The following LHPP variants were observed in gnomAD, a reference collection of about 807,000 sequenced individuals.
LHPP encodes the protein hLHPP.
In LHPP, 24 loss-of-function variants were observed where a neutral mutation model predicts 30.3. The observed-to-expected ratio is 0.79, with a 90% CI of 0.57 to 1.11. LHPP has a LOEUF of 1.11. LHPP is among the 50% of genes most tolerant of loss of function. The pLI is 0.00. For missense variants in LHPP, 356 were observed against 367.2 expected, an observed-to-expected ratio of 0.97 and a Z score of 0.25; for synonymous variants, 150 against 157.1, an observed-to-expected ratio of 0.95 and a Z score of 0.34.
At chr10:124,467,713 G>T (rs995102310) in intron 1 of LHPP, among the ~76,000 whole-genome samples, 7 of 148,938 alleles carry the variant, frequency 4.7e-5, no homozygotes, top group East Asian at 2.0e-4. Context: ...TGTGTTTTTT[G>T]TTGTTGTTGT....
chr10:124,606,323 T>C (rs537433444), intron 6 of LHPP, among the ~76,000 whole-genome samples: 1 of 152,288 alleles, frequency 6.6e-6, no homozygotes, highest in South Asian at 2.1e-4. Flanking sequence ...TGCTCAGCCT[T>C]AACGTCCCTG....
chr10:124,463,057 C>T (rs1304969511), intron 1 of LHPP, among the ~76,000 whole-genome samples: 2 of 152,102 alleles, frequency 1.3e-5, no homozygotes, highest in African/African-American at 4.8e-5. Flanking sequence ...TTAGTAGAGA[C>T]GGGGTTTCAC....
At chr10:124,575,941 G>A (rs925865632) in intron 6 of LHPP, among the ~76,000 whole-genome samples, 2 of 152,318 alleles carry the variant, frequency 1.3e-5, no homozygotes, top group African/African-American at 4.8e-5. Context: ...GTGCCAGGTC[G>A]GGGGTCTGGG....
In LHPP at chr10:124,563,308, T is replaced by TTC. The variant is rs1554892863; in HGVS notation, c.716+46038_716+46039insCT. On this transcript the variant is annotated intron_variant, in intron 6 of 6. Coordinates refer to ENST00000368842, the MANE Select transcript of LHPP (RefSeq NM_022126.4). ...TAAAAAGAAACAATCTCTCTCTCTC[T>TTC]TTTTCTTTTTTTTTTTTTTTGCATA... Among the ~76,000 whole-genome samples, 96 of 145,730 alleles carry TTC rather than the reference T, an allele frequency of 6.6e-4. 1 individual carries two copies. Among genetic ancestry groups the TTC allele is most frequent in the Admixed American group, 2.1e-3 (31 of 14,638 alleles).
intron 6 of LHPP, among the ~76,000 whole-genome samples, chr10:124,611,591 G>A (rs1434492244): frequency 1.3e-5 from 2 of 151,860 alleles, no homozygotes; most frequent in Non-Finnish European, 2.9e-5. Flanking sequence ...TCACAGGGGA[G>A]CCCACACTGC....
chr10:124,462,266 T>C (rs1952426425), intron 1 of LHPP, among the ~76,000 whole-genome samples: 1 of 152,084 alleles, frequency 6.6e-6, no homozygotes, highest in African/African-American at 2.4e-5. Flanking sequence ...CCAGTCTGAA[T>C]TGAGATGTGC....
At position 124,474,147 on chromosome 10, in the gene LHPP, T is replaced by G. The variant is rs955929582; in HGVS notation, c.126-9992T>G. 6.4e-4 allele frequency among the ~76,000 whole-genome samples: 93 copies of G among 144,298 alleles called. 1 individual carries two copies. The highest frequency in any genetic ancestry group is 2.2e-3 in the African/African-American group (85 of 39,236). The allele number at this position is 144,298 out of a possible 152,430, so 94.7% of individuals were successfully genotyped here. A position where few individuals can be genotyped will look rare whatever the true frequency, so the allele number is the denominator to read the frequency against. On this transcript the variant is annotated intron_variant, in intron 1 of 6. Coordinates refer to ENST00000368842, the MANE Select transcript of LHPP (RefSeq NM_022126.4). Reference sequence around the variant, plus strand: ...TTGCTTTGCCCTTTTTTTTTTTTTTTTTTTTTTTTTGAGACAGGGTCTCAC... The same window carrying G: ...TTGCTTTGCCCTTTTTTTTTTTTTTGTTTTTTTTTTGAGACAGGGTCTCAC...
At chr10:124,552,634 C>T (rs1948191280) in intron 6 of LHPP, among the ~76,000 whole-genome samples, 1 of 152,152 alleles carries the variant, frequency 6.6e-6, no homozygotes, top group Non-Finnish European at 1.5e-5. Flanking sequence ...CCTGCCAGCC[C>T]CCGCCCCTGT....
In LHPP at chr10:124,500,728, TAA is replaced by T. The variant is rs57518134; in HGVS notation, c.624+2610_624+2611del. Among the ~76,000 whole-genome samples the T allele has an allele frequency of 4.1e-5, 6 of 147,692 alleles. 1 individual carries two copies. In the East Asian group the frequency reaches 5.9e-4, roughly 15 times the overall value. On this transcript the variant is annotated intron_variant, in intron 5 of 6. Coordinates refer to ENST00000368842, the MANE Select transcript of LHPP (RefSeq NM_022126.4). ...CTTCACACTAAGATGACTGTATAGT[TAA>T]AAAAAAAAATAGAAAATAACAAGTG... is the stretch of plus-strand genomic sequence containing the variant.
intron 1 of LHPP, among the ~76,000 whole-genome samples, chr10:124,481,553 G>A (rs559342182): frequency 2.0e-5 from 3 of 151,490 alleles, no homozygotes; most frequent in African/African-American, 7.3e-5. Context: ...ATTTTTTTTG[G>A]TATTTTTAGT....
intron 6 of LHPP, among the ~76,000 whole-genome samples, chr10:124,547,909 C>T (rs1402806024): frequency 2.0e-5 from 3 of 152,128 alleles, no homozygotes; most frequent in Non-Finnish European, 4.4e-5. Flanking sequence ...CCACACTGTC[C>T]CTTTAGAATA....
intron 6 of LHPP, among the ~76,000 whole-genome samples, chr10:124,573,025 G>A (rs552079010): frequency 1.7e-4 from 26 of 152,360 alleles, no homozygotes; most frequent in African/African-American, 5.8e-4. Context: ...TGTGGGTAAC[G>A]CAGTTGTGCC....
At chr10:124,584,268 G>C (rs1256828083) in intron 6 of LHPP, among the ~76,000 whole-genome samples, 2 of 151,758 alleles carry the variant, frequency 1.3e-5, no homozygotes, top group African/African-American at 4.8e-5. Context: ...AGGAGGCTGA[G>C]GTGGGAGAAT....
chr10:124,569,209 G>C (rs1023376990), intron 6 of LHPP, among the ~76,000 whole-genome samples: 2 of 152,198 alleles, frequency 1.3e-5, no homozygotes, highest in Admixed American at 1.3e-4. Flanking sequence ...GCTTGAGGTG[G>C]CCCTGAGACT....
chr10:124,578,473 G>A (rs902363010), intron 6 of LHPP, among the ~76,000 whole-genome samples: 1 of 152,368 alleles, frequency 6.6e-6, no homozygotes, highest in Non-Finnish European at 1.5e-5. Flanking sequence ...GAGTGTCTCT[G>A]AGGTGGAGCG....
intron 5 of LHPP, among the ~76,000 whole-genome samples, chr10:124,516,091 G>T (rs181813371): frequency 6.6e-6 from 1 of 152,356 alleles, no homozygotes; most frequent in East Asian, 1.9e-4. Context: ...AGTCAGCCCA[G>T]TCTGTCATAC....
chr10:124,481,235 A>G (rs902814215), intron 1 of LHPP, among the ~76,000 whole-genome samples: 2 of 152,042 alleles, frequency 1.3e-5, no homozygotes, highest in Non-Finnish European at 2.9e-5. Context: ...GGGCGGAGGC[A>G]ATGGCACACT....
chr10:124,568,535 G>C (rs55791820), intron 6 of LHPP, among the ~76,000 whole-genome samples: 5,652 of 152,266 alleles, frequency 0.037, 158 homozygotes, highest in East Asian at 0.13. Flanking sequence ...CCGCGGTGGC[G>C]TGGAGAGGTG....
At chr10:124,482,164 G>A (rs774982927) in intron 1 of LHPP, among the ~76,000 whole-genome samples, 2 of 152,204 alleles carry the variant, frequency 1.3e-5, no homozygotes, top group Non-Finnish European at 2.9e-5. Context: ...ATTTCAAGCC[G>A]TAGTTCTAGT....
Sources: allele counts gnomAD v4.1 joint callset (sites outside exome capture counted in the v4.1 genomes callset), GRCh38; gene constraint gnomAD v4.1.1; transcripts MANE v1.5; gene names NCBI Gene and HGNC (gene_info 2026-07-23, HGNC 2026-07-21).